MTMR1: variants seen among roughly 807,000 people sequenced by gnomAD.
MTMR1 encodes myotubularin related protein 1.
A neutral mutation model predicts 51.6 loss-of-function variants in MTMR1; 17 were observed. That is an observed-to-expected ratio of 0.33 (90% CI 0.23 to 0.49). The LOEUF is 0.49. Among genes scored for constraint, MTMR1 ranks in the 20% least tolerant of loss-of-function variants. The pLI, the probability that MTMR1 is intolerant of heterozygous loss-of-function variation, is 0.99. For synonymous variants in MTMR1, 201 were observed against 205.6 expected (o/e 0.98, Z 0.19); for missense variants, 386 against 526.9 (o/e 0.73, Z 2.62).
At chrX:150,756,055 T>C (rs2042895278) in intron 15 of MTMR1, among the ~76,000 whole-genome samples, 190 bp downstream of exon 15, 2 of 111,963 alleles carry the variant, frequency 1.8e-5, no homozygotes, top group African/African-American at 6.5e-5. Context: ...ACTCTGATGA[T>C]GTTTGCTGGG....
chrX:150,743,061 C>T (rs1412244759), intron 12 of MTMR1, among the ~76,000 whole-genome samples: 1 of 110,767 alleles, frequency 9.0e-6, no homozygotes, highest in Non-Finnish European at 1.9e-5. Context: ...GTGATGGTTG[C>T]ATAATAACAT....
chrX:150,729,243 CACAT>C (rs1343860232), intron 6 of MTMR1, among the ~76,000 whole-genome samples: 4 of 110,548 alleles, frequency 3.6e-5, no homozygotes, highest in African/African-American at 1.3e-4. Context: ...CACACACACA[CACAT>C]CCCAGAATCT....
intron 15 of MTMR1, among the ~76,000 whole-genome samples, chrX:150,762,362 C>T (rs974290251): frequency 8.9e-6 from 1 of 111,981 alleles, no homozygotes; most frequent in Admixed American, 9.4e-5. Flanking sequence ...CCCGGAGCTG[C>T]AGGGCGGCCT....
chrX:150,711,952 C>CT (rs111849761), intron 2 of MTMR1, among the ~76,000 whole-genome samples: 8,186 of 102,618 alleles, frequency 0.08, 337 homozygotes, highest in African/African-American at 0.13. Context: ...ATATAACTGC[C>CT]TTTTTTTTTT....
At chrX:150,708,623 C>G (rs781793461) in intron 2 of MTMR1, among the ~76,000 whole-genome samples, 2 of 111,469 alleles carry the variant, frequency 1.8e-5, no homozygotes, top group South Asian at 7.5e-4. Context: ...ATTAAGATCA[C>G]TATCAACTTT....
intron 9 of MTMR1, among the ~76,000 whole-genome samples, chrX:150,731,999 C>G (rs1385651577): frequency 1.8e-5 from 2 of 111,493 alleles, no homozygotes; most frequent in African/African-American, 6.5e-5. Context: ...GCCATAGCTG[C>G]GTGGGAGGGA....
intron 15 of MTMR1, among the ~76,000 whole-genome samples, chrX:150,760,589 T>C (rs1356415854): frequency 8.9e-6 from 1 of 111,874 alleles, no homozygotes; most frequent in East Asian, 2.8e-4. Context: ...CCTCCGAGTT[T>C]TCTATTCCTT....
At chrX:150,750,105 A>G (rs2042683348) in intron 13 of MTMR1, among the ~76,000 whole-genome samples, 1 of 107,783 alleles carries the variant, frequency 9.3e-6, no homozygotes, top group Non-Finnish European at 1.9e-5. Context: ...AGCCTGGGGG[A>G]CAGAGAGAGA....
At chrX:150,760,138 G>C (rs1263645845) in intron 15 of MTMR1, among the ~76,000 whole-genome samples, 2 of 109,135 alleles carry the variant, frequency 1.8e-5, no homozygotes, top group Admixed American at 9.7e-5. Context: ...CCAAAAAAGA[G>C]TACATGGGCC....
At position 150,762,709 on chromosome X, in the gene MTMR1, T is replaced by G. The variant is rs1430362682; in HGVS notation, c.2002T>G (p.Ser668Ala). Reference protein sequence around the residue: ...RGSSPSHSATSVHTSV With the variant: ...RGSSPSHSATAVHTSV ...CTCCTCGCCCTCCCACTCCGCCACC[T>G]CCGTCCACACCTCGGTCTGATGGGC... is the stretch of plus-strand genomic sequence containing the variant. The change falls in exon 16 of 16, where the codon TCC becomes GCC. Residue 668 changes from serine (S) to alanine (A), a missense_variant. Physicochemically the swap from Ser to Ala is moderately conservative, Grantham distance 99. Coordinates refer to ENST00000445323, the MANE Select transcript of MTMR1 (RefSeq NM_001306144.3). 1 of 1,173,347 alleles carries G rather than the reference T, an allele frequency of 8.5e-7. No homozygotes were observed. The highest frequency in any genetic ancestry group is 1.1e-6 in the Non-Finnish European group (1 of 875,074).
At chrX:150,727,067 A>G (rs1193250818) in intron 4 of MTMR1, 148 bp from the exon 5 acceptor site, 2 of 368,638 alleles carry the variant, frequency 5.4e-6, no homozygotes, top group African/African-American at 2.6e-5. Context: ...GCATCTCTCT[A>G]TATTGAAAGT....
At chrX:150,712,758 G>T (rs1178243854) in intron 3 of MTMR1, 1 of 193,977 alleles carries the variant, frequency 5.2e-6, no homozygotes, top group Non-Finnish European at 9.8e-6. Flanking sequence ...AAAAAGGTTA[G>T]TTGGCTGTCC....
At chrX:150,744,969 G>C (rs1235204348) in intron 13 of MTMR1, among the ~76,000 whole-genome samples, 6 of 112,529 alleles carry the variant, frequency 5.3e-5, no homozygotes, top group African/African-American at 1.9e-4. Context: ...GCTATTAGCT[G>C]GTGCATCGTT....
intron 15 of MTMR1, among the ~76,000 whole-genome samples, chrX:150,760,830 G>C (rs782003628): frequency 9.1e-6 from 1 of 109,920 alleles, no homozygotes; most frequent in South Asian, 4.0e-4. Flanking sequence ...AGGAGGCTGA[G>C]GCAGGAGAAT....
chrX:150,759,517 C>G (rs191407363), intron 15 of MTMR1, among the ~76,000 whole-genome samples: 1 of 100,433 alleles, frequency 1.0e-5, no homozygotes, highest in East Asian at 2.8e-4. Flanking sequence ...CCCCGTACCC[C>G]TGCCACGCTC....
At chrX:150,738,594 G>C (rs1423318374) in intron 12 of MTMR1, among the ~76,000 whole-genome samples, 1 of 111,635 alleles carries the variant, frequency 9.0e-6, no homozygotes, top group South Asian at 3.8e-4. Flanking sequence ...CTTGCATATG[G>C]CCACCCTCTG....
chrX:150,749,594 C>T (rs1399741310), intron 13 of MTMR1, among the ~76,000 whole-genome samples: 1 of 111,905 alleles, frequency 8.9e-6, no homozygotes, highest in African/African-American at 3.2e-5. Flanking sequence ...CTAGAACCTG[C>T]TGGCAATAGT....
Position 150,718,606 on chromosome X carries a change from T to TGCCAGGCTC in MTMR1, c.277-19_277-18insGCCAGGCTC. The TGCCAGGCTC allele has an allele frequency of 1.0e-6, 1 of 973,986 alleles. No homozygotes were observed. Among genetic ancestry groups the TGCCAGGCTC allele is most frequent in the Non-Finnish European group, 1.3e-6 (1 of 772,009 alleles). The allele number at this position is 973,986 out of a possible 1,213,427, so 80.3% of individuals were successfully genotyped here. A position where few individuals can be genotyped will look rare whatever the true frequency, so the allele number is the denominator to read the frequency against. On this transcript the variant is annotated intron_variant, in intron 3 of 15. Coordinates refer to ENST00000445323, the MANE Select transcript of MTMR1 (RefSeq NM_001306144.3). ...GTCCTTTTTTTTTTTTTTTTTTTTT[T>TGCCAGGCTC]TTTTTTTTTTTTTGCCAGGCTCTAA... is the stretch of plus-strand genomic sequence containing the variant.
intron 4 of MTMR1, among the ~76,000 whole-genome samples, chrX:150,726,410 G>A (rs1208783841): frequency 9.0e-6 from 1 of 111,601 alleles, no homozygotes; most frequent in African/African-American, 3.3e-5. Flanking sequence ...TCTCTCACAG[G>A]TCATGGGCTG....
Sources: allele counts gnomAD v4.1 joint callset (sites outside exome capture counted in the v4.1 genomes callset), GRCh38; gene constraint gnomAD v4.1.1; transcripts MANE v1.5; gene names NCBI Gene and HGNC (gene_info 2026-07-23, HGNC 2026-07-21).